The following SMYD3 variants were observed in gnomAD, a reference collection of about 807,000 sequenced individuals.
SMYD3 encodes SET and MYND domain containing 3, also known as histone-lysine N-methyltransferase SMYD3.
In SMYD3, 36 loss-of-function variants were observed where a neutral mutation model predicts 57.7. The ratio of observed to expected loss-of-function variants is 0.62; its 90% CI spans 0.48 to 0.82. The LOEUF (loss-of-function observed/expected upper bound fraction) is 0.82, where lower values mean the gene tolerates loss of function less well. SMYD3 is among the 40% of genes least tolerant of loss of function. SMYD3 has a pLI of 0.00. For synonymous variants in SMYD3, 211 were observed against 195.0 expected, an observed-to-expected ratio of 1.08 and a Z score of -0.68; for missense variants, 515 against 538.8, an observed-to-expected ratio of 0.96 and a Z score of 0.44.
chr1:246,484,809 T>C (rs2068160776), intron 1 of SMYD3, among the ~76,000 whole-genome samples: 1 of 103,894 alleles, frequency 9.6e-6, no homozygotes, highest in Non-Finnish European at 2.2e-5. Context: ...ACCATTGTAC[T>C]AGTTACACCT....
chr1:246,119,358 C>CTT (rs1483352272), intron 5 of SMYD3, among the ~76,000 whole-genome samples: 1 of 151,426 alleles, frequency 6.6e-6, no homozygotes, highest in Non-Finnish European at 1.5e-5. Flanking sequence ...AGTTGGGTCT[C>CTT]TGTCTTGCAG....
chr1:245,839,271 G>T (rs959526305), intron 10 of SMYD3, among the ~76,000 whole-genome samples: 7 of 152,184 alleles, frequency 4.6e-5, no homozygotes, highest in Non-Finnish European at 1.0e-4. Flanking sequence ...CCGGGTTCAC[G>T]CCATTCTCCT....
At chr1:246,411,726 C>CA (rs1262931122) in intron 1 of SMYD3, among the ~76,000 whole-genome samples, 5 of 148,230 alleles carry the variant, frequency 3.4e-5, no homozygotes, top group Non-Finnish European at 7.4e-5. Context: ...ATCCCAAGGA[C>CA]AAAAAACCAA....
chr1:246,002,463 C>T (rs866033796), intron 5 of SMYD3, among the ~76,000 whole-genome samples: 13 of 40,420 alleles, frequency 3.2e-4, no homozygotes, highest in African/African-American at 4.3e-4. Flanking sequence ...GGATTACAGG[C>T]GCCCGCCACC....
chr1:246,339,598 T>C (rs1244977074), intron 2 of SMYD3, among the ~76,000 whole-genome samples: 1 of 152,162 alleles, frequency 6.6e-6, no homozygotes, highest in African/African-American at 2.4e-5. Context: ...ACACATAGCC[T>C]AACACCCACC....
At chr1:246,115,235 C>A (rs186394397) in intron 5 of SMYD3, among the ~76,000 whole-genome samples, 2 of 152,288 alleles carry the variant, frequency 1.3e-5, no homozygotes, top group Non-Finnish European at 2.9e-5. Flanking sequence ...GGGACAGGAC[C>A]AGCTGAAAGA....
intron 5 of SMYD3, chr1:246,305,893 CA>C (rs955922817): frequency 1.3e-5 from 2 of 152,144 alleles, no homozygotes; most frequent in African/African-American, 2.4e-5. Context: ...TCAACCATGA[CA>C]AAGCAAAATT....
At chr1:246,503,736 G>A (rs2068493167) in intron 1 of SMYD3, among the ~76,000 whole-genome samples, 1 of 152,150 alleles carries the variant, frequency 6.6e-6, no homozygotes, top group Admixed American at 6.5e-5. Context: ...GCTGAGGCGG[G>A]TAGATCACCT....
chr1:246,396,117 G>A (rs894971660), intron 1 of SMYD3, among the ~76,000 whole-genome samples: 2 of 152,230 alleles, frequency 1.3e-5, no homozygotes, highest in Non-Finnish European at 1.5e-5. Context: ...GGGGCCTTAG[G>A]AACACACCCC....
At chr1:246,194,211 AG>A (rs201324230) in intron 5 of SMYD3, among the ~76,000 whole-genome samples, 2,588 of 143,798 alleles carry the variant, frequency 0.018, 38 homozygotes, top group South Asian at 0.028. Flanking sequence ...ACACTTCCTA[AG>A]GGGAAAAGTA....
chr1:246,185,246 C>CT (rs202099806), intron 5 of SMYD3, among the ~76,000 whole-genome samples: 9,810 of 151,670 alleles, frequency 0.065, 344 homozygotes, highest in Middle Eastern at 0.17. Context: ...AATATAATTC[C>CT]TTTTTTTTGG....
chr1:245,793,680 G>A (rs187645865), intron 10 of SMYD3, among the ~76,000 whole-genome samples: 5 of 150,706 alleles, frequency 3.3e-5, no homozygotes, highest in African/African-American at 7.3e-5. Flanking sequence ...TGCTGTACCC[G>A]CCACACCTCT....
At chr1:245,979,590 C>T (rs1261244667) in intron 5 of SMYD3, among the ~76,000 whole-genome samples, 1 of 152,102 alleles carries the variant, frequency 6.6e-6, no homozygotes, top group African/African-American at 2.4e-5. Context: ...CCAGGAGCTA[C>T]GGGAAAGAAA....
At chr1:246,165,821 AT>A (rs2062199299) in intron 5 of SMYD3, among the ~76,000 whole-genome samples, 1 of 152,146 alleles carries the variant, frequency 6.6e-6, no homozygotes, top group Non-Finnish European at 1.5e-5. Flanking sequence ...ATAAAGTAAT[AT>A]TTGGGTAAGA....
At chr1:245,988,506 T>A (rs2058748404) in intron 5 of SMYD3, 1 of 152,200 alleles carries the variant, frequency 6.6e-6, no homozygotes, top group African/African-American at 2.4e-5. Context: ...AATGTAACCA[T>A]CTTCTTCTGT....
intron 1 of SMYD3, among the ~76,000 whole-genome samples, chr1:246,466,075 T>C (rs2067876843): frequency 6.6e-6 from 1 of 152,230 alleles, no homozygotes; most frequent in South Asian, 2.1e-4. Context: ...CCTGGCCACT[T>C]ATACACTGTT....
Position 246,387,397 on chromosome 1 carries a change from GGC to G in SMYD3, c.165-32305_165-32304del, listed in dbSNP as rs1169768218. Among the ~76,000 whole-genome samples the G allele has an allele frequency of 2.6e-5, 4 of 152,178 alleles. No homozygotes were observed. In the South Asian group the frequency reaches 8.3e-4, roughly 31 times the overall value. The stretch of plus-strand genomic sequence containing the variant: ...TTAATGTATTAAGTACCTCACAGTT[GGC>G]CCTCAACGGCATTTAAAGTGAACAT... On this transcript the variant is annotated intron_variant, in intron 1 of 11. Coordinates refer to ENST00000490107, the MANE Select transcript of SMYD3 (RefSeq NM_001167740.2).
At chr1:246,187,528 C>T (rs1193532737) in intron 5 of SMYD3, among the ~76,000 whole-genome samples, 12 of 152,202 alleles carry the variant, frequency 7.9e-5, no homozygotes, top group African/African-American at 2.6e-4. Flanking sequence ...GCAGAAAACA[C>T]AGTGGTAAAG....
Position 246,433,391 on chromosome 1 carries a change from T to G in SMYD3, c.164+73663A>C, listed in dbSNP as rs949215801. On this transcript the variant is annotated intron_variant, in intron 1 of 11. Transcript: ENST00000490107. ...ATCACTAAAATGGCCACACTCGCGGTGGCTCACGCCTGTAATCCCAGCACT... is the reference window on the plus strand; with the variant it reads ...ATCACTAAAATGGCCACACTCGCGGGGGCTCACGCCTGTAATCCCAGCACT... Among the ~76,000 whole-genome samples, 4 of 152,310 alleles carry G rather than the reference T, an allele frequency of 2.6e-5. No homozygotes were observed. The South Asian group carries it at 8.3e-4, about 32-fold the overall frequency.
Sources: gnomAD v4.1 joint callset for allele counts (sites outside exome capture counted in the v4.1 genomes callset) on GRCh38, gnomAD v4.1.1 for gene constraint, MANE v1.5 for transcripts, NCBI Gene and HGNC (gene_info 2026-07-23, HGNC 2026-07-21) for gene names.